BCL2L13: variants seen among roughly 807,000 people sequenced by gnomAD.
BCL2L13 encodes the protein BCL2 like 13.
BCL2L13 carries 13 observed loss-of-function variants against 25.8 expected under a neutral mutation model. The observed-to-expected ratio is 0.50, with a 90% CI of 0.33 to 0.80. The LOEUF is 0.80. Among genes scored for constraint, BCL2L13 ranks in the 30% least tolerant of loss-of-function variants. The pLI, the probability that BCL2L13 is intolerant of heterozygous loss-of-function variation, is 0.02. For synonymous variants in BCL2L13, 244 were observed against 230.3 expected (o/e 1.06, Z -0.54); for missense variants, 504 against 574.9 (o/e 0.88, Z 1.26).
At chr22:17,664,567 C>CT (rs1209031689) in intron 2 of BCL2L13, among the ~76,000 whole-genome samples, 2 of 152,224 alleles carry the variant, frequency 1.3e-5, no homozygotes, top group African/African-American at 4.8e-5. Flanking sequence ...AGTGGGGACT[C>CT]TGTGTGTGGG....
At position 17,701,447 on chromosome 22, in the gene BCL2L13, A is replaced by G. The variant is rs12157553; in HGVS notation, c.457-796A>G. Reference sequence around the variant, plus strand: ...TGTAGGATTATATAGACATATATATATGTGTATATGTTTTTATTACACAAA... The same window carrying G: ...TGTAGGATTATATAGACATATATATGTGTGTATATGTTTTTATTACACAAA... On this transcript the variant is annotated intron_variant, in intron 5 of 6. Coordinates refer to ENST00000317582, the MANE Select transcript of BCL2L13 (RefSeq NM_015367.4). Among the ~76,000 whole-genome samples, 217 of 152,318 alleles carry G rather than the reference A, an allele frequency of 1.4e-3. 1 individual carries two copies. Among genetic ancestry groups the G allele is most frequent in the African/African-American group, 4.6e-3 (192 of 41,578 alleles).
intron 3 of BCL2L13, among the ~76,000 whole-genome samples, chr22:17,684,899 A>ATTTT (rs768976156): frequency 2.0e-5 from 3 of 151,732 alleles, no homozygotes; most frequent in Non-Finnish European, 2.9e-5. Flanking sequence ...CACCCGACTA[A>ATTTT]TTTTTTGTAT....
intron 3 of BCL2L13, among the ~76,000 whole-genome samples, chr22:17,687,131 A>G (rs947173461): frequency 1.3e-5 from 2 of 152,176 alleles, no homozygotes; most frequent in African/African-American, 4.8e-5. Context: ...CGTTAGATTA[A>G]TGCAATAAAT....
chr22:17,683,407 G>A (rs1231295461), intron 3 of BCL2L13, 86 bp downstream of exon 3: 2 of 760,558 alleles, frequency 2.6e-6, no homozygotes, highest in Non-Finnish European at 4.3e-6. Flanking sequence ...TTACAGTGGG[G>A]TATTCTCAAC....
intron 2 of BCL2L13, among the ~76,000 whole-genome samples, chr22:17,680,280 G>A (rs907923283): frequency 1.5e-4 from 23 of 150,454 alleles, no homozygotes; most frequent in African/African-American, 5.6e-4. Flanking sequence ...GGAGGCCGAG[G>A]TGGGCGCATC....
At chr22:17,722,201 TC>T (rs1314127139) in intron 6 of BCL2L13, among the ~76,000 whole-genome samples, 1 of 152,112 alleles carries the variant, frequency 6.6e-6, no homozygotes, top group Admixed American at 6.6e-5. Flanking sequence ...AGTTCTGGAT[TC>T]TATTTTATTT....
intron 6 of BCL2L13, chr22:17,706,821 C>G (rs1417437589): frequency 9.6e-6 from 13 of 1,352,058 alleles, no homozygotes; most frequent in African/African-American, 1.5e-5. Context: ...AGCAAGTCCA[C>G]TGTGGTAAGG....
chr22:17,662,339 A>G (rs551769393), intron 2 of BCL2L13, among the ~76,000 whole-genome samples: 4 of 151,934 alleles, frequency 2.6e-5, no homozygotes, highest in Middle Eastern at 3.2e-3. Flanking sequence ...TTAGCCAGGC[A>G]TGGTGGCAGG....
chr22:17,686,786 G>C (rs1363476402), intron 3 of BCL2L13, among the ~76,000 whole-genome samples: 1 of 151,996 alleles, frequency 6.6e-6, no homozygotes, highest in Non-Finnish European at 1.5e-5. Context: ...TGGGATTACC[G>C]GTGTGAAACA....
In BCL2L13 at chr22:17,702,075, C is replaced by G. The variant is rs16981023; in HGVS notation, c.457-168C>G. ...CTGCCTATTGTATAAAACCTACATG[C>G]AGTATTCAGAAAAATCCTAATAGAA... On this transcript the variant is annotated intron_variant, in intron 5 of 6. Coordinates refer to ENST00000317582, the MANE Select transcript of BCL2L13 (RefSeq NM_015367.4). Among the ~76,000 whole-genome samples, 1,164 of 152,152 alleles carry G rather than the reference C, an allele frequency of 7.7e-3. 24 individuals carry two copies. The highest frequency in any genetic ancestry group is 0.026 in the African/African-American group (1,094 of 41,504).
At chr22:17,686,224 G>A (rs533403956) in intron 3 of BCL2L13, among the ~76,000 whole-genome samples, 36 of 152,142 alleles carry the variant, frequency 2.4e-4, no homozygotes, top group African/African-American at 8.7e-4. Context: ...TGAAGTGGGT[G>A]GATCACTTGA....
intron 3 of BCL2L13, among the ~76,000 whole-genome samples, chr22:17,685,087 T>G (rs2145590925): frequency 6.6e-6 from 1 of 152,220 alleles, no homozygotes; most frequent in South Asian, 2.1e-4. Flanking sequence ...TTGCTCAGGC[T>G]GGTCTTGAAC....
intron 2 of BCL2L13, among the ~76,000 whole-genome samples, chr22:17,679,550 G>A (rs2059674062): frequency 1.3e-5 from 2 of 151,680 alleles, no homozygotes; most frequent in Admixed American, 6.6e-5. Flanking sequence ...GATTACAGGC[G>A]TGAGCCACTG....
At chr22:17,668,496 A>G (rs967202487) in intron 2 of BCL2L13, among the ~76,000 whole-genome samples, 1 of 148,926 alleles carries the variant, frequency 6.7e-6, no homozygotes, top group Non-Finnish European at 1.5e-5. Flanking sequence ...TCTGTCGCCC[A>G]GGCTGGAGTG....
chr22:17,683,458 T>TAA, intron 3 of BCL2L13, 137 bp downstream of exon 3: 1 of 572,340 alleles, frequency 1.7e-6, no homozygotes. Flanking sequence ...TAGAAGTTTA[T>TAA]AAGGGTAAAA....
intron 6 of BCL2L13, chr22:17,706,537 G>A: frequency 3.1e-6 from 1 of 318,746 alleles, no homozygotes; most frequent in East Asian, 1.7e-4. Context: ...TGATGTGAAA[G>A]TGTTTTGTGA....
intron 2 of BCL2L13, among the ~76,000 whole-genome samples, chr22:17,663,407 A>G (rs912066824): frequency 5.9e-5 from 9 of 152,216 alleles, no homozygotes; most frequent in South Asian, 2.1e-4. Context: ...ATAGGTGGCT[A>G]TCTAAACAAA....
At chr22:17,679,951 G>A (rs1302430895) in intron 2 of BCL2L13, among the ~76,000 whole-genome samples, 2 of 152,060 alleles carry the variant, frequency 1.3e-5, no homozygotes, top group East Asian at 2.0e-4. Context: ...GGTGGCTCAC[G>A]CCTGTAATCC....
In BCL2L13 at chr22:17,689,099, C is replaced by G. The variant is rs202002609; in HGVS notation, c.343C>G (p.Leu115Val). ...AHLGEKVSQE[L>V]KEPLHKALQM... The stretch of plus-strand genomic sequence containing the variant: ...TCTTGGAGAAAAAGTGTCCCAGGAA[C>G]TGAAAGAGCCTCTCCATAAAGCATT... The change falls in exon 4 of 7, where the codon CTG becomes GTG. Residue 115 changes from leucine (L) to valine (V), a missense_variant. Physicochemically the swap from Leu to Val is conservative, Grantham distance 32. Transcript: ENST00000317582. 4.8e-5 allele frequency: 77 copies of G among 1,614,130 alleles called. No individual in the cohort carries two copies. In the Admixed American group the frequency reaches 5.5e-4, roughly 12 times the overall value.
Sources: gnomAD v4.1 joint callset for allele counts (sites outside exome capture counted in the v4.1 genomes callset) on GRCh38, gnomAD v4.1.1 for gene constraint, MANE v1.5 for transcripts, NCBI Gene and HGNC (gene_info 2026-07-23, HGNC 2026-07-21) for gene names.